APOO: variants seen among roughly 807,000 people sequenced by gnomAD.
APOO encodes MICOS complex subunit MIC26.
Under a neutral mutation model 23.1 loss-of-function variants are expected in APOO, and 11 were observed. The ratio of observed to expected loss-of-function variants is 0.48; its 90% CI spans 0.30 to 0.79. The LOEUF is 0.79. Among genes scored for constraint, APOO ranks in the 30% least tolerant of loss-of-function variants. The pLI, the probability that APOO is intolerant of heterozygous loss-of-function variation, is 0.07. For synonymous variants in APOO, 59 were observed against 54.8 expected, an observed-to-expected ratio of 1.08 and a Z score of -0.34; for missense variants, 160 against 142.7, an observed-to-expected ratio of 1.12 and a Z score of -0.62.
chrX:23,835,211 G>A (rs1469511900), intron 8 of APOO, among the ~76,000 whole-genome samples: 5 of 107,831 alleles, frequency 4.6e-5, no homozygotes, highest in Non-Finnish European at 9.6e-5. Context: ...ACAGGCAGGC[G>A]CCACCACGCC....
At position 23,907,804 on chromosome X, in the gene APOO, C is replaced by A. The variant is rs188156280; in HGVS notation, c.-102G>T. The A allele has an allele frequency of 4.2e-4, 405 of 969,758 alleles. 1 individual carries two copies. The highest frequency in any genetic ancestry group is 5.2e-4 in the Non-Finnish European group (376 of 723,569). 79.9% of individuals were successfully genotyped at this position (969,758 alleles called of 1,213,427 possible). ...CCGGTAGGGCCTTGATTTCTCCAAC[C>A]GCAAGCAGGCAGCGGTGCGGGTGAC... On this transcript the variant is annotated 5_prime_UTR_variant, in exon 1 of 9. Coordinates refer to ENST00000379226, the MANE Select transcript of APOO (RefSeq NM_024122.5).
chrX:23,872,583 G>T (rs942676912), intron 4 of APOO, among the ~76,000 whole-genome samples: 1 of 103,761 alleles, frequency 9.6e-6, no homozygotes, highest in Admixed American at 1.1e-4. Context: ...ATATATTTAC[G>T]GGGTAAATGA....
In APOO at chrX:23,856,523, T is replaced by C. The variant is rs1450409285; in HGVS notation, c.481-141A>G. On this transcript the variant is annotated intron_variant, in intron 6 of 8. Coordinates refer to ENST00000379226, the MANE Select transcript of APOO (RefSeq NM_024122.5). ...TAGCACTATGCATAATAGCAAAACA[T>C]GGAATCAACCTAAATGCCCATCAAT... 9.6e-6 allele frequency: 4 copies of C among 417,723 alleles called. No homozygotes were observed. In the African/African-American group the frequency reaches 1.0e-4, roughly 11 times the overall value. The allele number at this position is 417,723 out of a possible 1,213,427, so 34.4% of individuals were successfully genotyped here. A position where few individuals can be genotyped will look rare whatever the true frequency, so the allele number is the denominator to read the frequency against.
chrX:23,893,318 G>T (rs1188572865), intron 1 of APOO, among the ~76,000 whole-genome samples: 1 of 108,302 alleles, frequency 9.2e-6, no homozygotes, highest in Admixed American at 9.9e-5. Context: ...TGTAGTCCCA[G>T]ATACTCAGGA....
At chrX:23,893,915 G>A (rs1225087236) in intron 1 of APOO, among the ~76,000 whole-genome samples, 1 of 110,639 alleles carries the variant, frequency 9.0e-6, no homozygotes, top group African/African-American at 3.3e-5. Flanking sequence ...AAACAGAACA[G>A]AGGCTTTCTC....
intron 5 of APOO, among the ~76,000 whole-genome samples, chrX:23,859,244 T>C (rs1924909897): frequency 8.9e-6 from 1 of 111,760 alleles, no homozygotes; most frequent in Non-Finnish European, 1.9e-5. Context: ...AAAATTCATA[T>C]TCACCCATTT....
intron 4 of APOO, among the ~76,000 whole-genome samples, chrX:23,869,717 C>T (rs764797889): frequency 3.7e-5 from 4 of 106,820 alleles, no homozygotes; most frequent in South Asian, 4.2e-4. Context: ...TTTGGGAGGC[C>T]GAGGAGGGCG....
At chrX:23,855,559 A>G (rs1358162942) in intron 7 of APOO, among the ~76,000 whole-genome samples, 1 of 111,401 alleles carries the variant, frequency 9.0e-6, no homozygotes. Context: ...GTATATTAAT[A>G]TAAGAAGTCT....
chrX:23,854,666 G>A (rs1418119335), intron 7 of APOO, among the ~76,000 whole-genome samples: 1 of 102,947 alleles, frequency 9.7e-6, no homozygotes, highest in African/African-American at 3.8e-5. Flanking sequence ...GATTACAGAC[G>A]TGCATCACCA....
At chrX:23,879,436 AAAT>A (rs1212503850) in intron 2 of APOO, among the ~76,000 whole-genome samples, 2 of 111,695 alleles carry the variant, frequency 1.8e-5, no homozygotes, top group Non-Finnish European at 3.8e-5. Context: ...TCCATCTCAA[AAAT>A]AATAATAATA....
chrX:23,872,271 C>T (rs904485535), intron 4 of APOO, among the ~76,000 whole-genome samples: 4 of 110,780 alleles, frequency 3.6e-5, no homozygotes, highest in African/African-American at 1.3e-4. Flanking sequence ...ATGGCACATG[C>T]CTGTAATCCT....
intron 7 of APOO, 62 bp from the exon 8 acceptor site, chrX:23,840,439 G>T: frequency 9.8e-7 from 1 of 1,018,255 alleles, no homozygotes; most frequent in Non-Finnish European, 1.3e-6. Context: ...ACTCCTTAGT[G>T]TCCTGAGTAT....
At chrX:23,860,921 A>C (rs1383505103) in intron 5 of APOO, among the ~76,000 whole-genome samples, 2 of 108,781 alleles carry the variant, frequency 1.8e-5, no homozygotes, top group African/African-American at 6.7e-5. Flanking sequence ...GGGAGGACTG[A>C]TTGAGCCCAG....
At chrX:23,875,592 G>C (rs1161374851) in intron 3 of APOO, among the ~76,000 whole-genome samples, 1 of 106,590 alleles carries the variant, frequency 9.4e-6, no homozygotes, top group African/African-American at 3.4e-5. Context: ...ACTAATTTTT[G>C]TATTTTTGGT....
intron 1 of APOO, among the ~76,000 whole-genome samples, chrX:23,894,030 T>TA (rs1393841474): frequency 9.0e-6 from 1 of 111,434 alleles, no homozygotes; most frequent in Admixed American, 9.6e-5. Flanking sequence ...ACATTTTTTT[T>TA]AAATAGATGT....
chrX:23,859,402 T>C (rs549695736), intron 5 of APOO, among the ~76,000 whole-genome samples: 3 of 110,535 alleles, frequency 2.7e-5, no homozygotes, highest in African/African-American at 9.9e-5. Context: ...AGGCAACCAT[T>C]GATCTACTTT....
intron 3 of APOO, among the ~76,000 whole-genome samples, chrX:23,875,482 G>A (rs996378648): frequency 5.8e-4 from 59 of 101,647 alleles, no homozygotes; most frequent in African/African-American, 1.5e-3. Flanking sequence ...GCAGTGGCGC[G>A]ACCTCGGCTC....
intron 5 of APOO, among the ~76,000 whole-genome samples, chrX:23,859,707 T>C (rs975123909): frequency 8.9e-6 from 1 of 111,816 alleles, no homozygotes; most frequent in African/African-American, 3.2e-5. Context: ...CCTCCCAAAG[T>C]GCTGGGATTA....
chrX:23,871,362 C>CAAA (rs750866169), intron 4 of APOO, among the ~76,000 whole-genome samples: 1 of 56,315 alleles, frequency 1.8e-5, no homozygotes, highest in Non-Finnish European at 3.7e-5. Context: ...GACTCCGTCT[C>CAAA]AAAAAAAAAA....
Sources: gnomAD v4.1 joint callset for allele counts (sites outside exome capture counted in the v4.1 genomes callset) on GRCh38, gnomAD v4.1.1 for gene constraint, MANE v1.5 for transcripts, NCBI Gene and HGNC (gene_info 2026-07-23, HGNC 2026-07-21) for gene names.